The following ZNF749 variants were observed in gnomAD, a reference collection of about 807,000 sequenced individuals.
ZNF749 encodes the protein zinc finger protein 749.
A neutral mutation model predicts 7.3 loss-of-function variants in ZNF749; 8 were observed. The observed-to-expected ratio is 1.10, with a 90% CI of 0.64 to 1.98. The LOEUF (loss-of-function observed/expected upper bound fraction) is 1.98, where lower values mean the gene tolerates loss of function less well. ZNF749 is among the 30% of genes most tolerant of loss of function. The probability of loss-of-function intolerance (pLI) is 0.00; values close to 1 mark genes in which losing one functional copy is unlikely to be tolerated. For synonymous variants in ZNF749, 310 were observed against 322.4 expected (o/e 0.96, Z 0.41); for missense variants, 898 against 932.4 (o/e 0.96, Z 0.48).
At chr19:57,432,584 A>AGGG (rs1555784015), upstream of ZNF749, among the ~76,000 whole-genome samples, 4 of 116,580 alleles carry the variant, frequency 3.4e-5, no homozygotes, top group Admixed American at 8.5e-5. Flanking sequence ...AAAAAAAAAA[A>AGGG]GGTGGGGGGG....
rs139410369 is a variant in ZNF749 at position 57,444,104 on chromosome 19, C to T, written c.956C>T (p.Thr319Ile). Residue 319 changes from threonine (T) to isoleucine (I), a missense_variant, in exon 3 of 3, where the codon ACC becomes ATC. By Grantham distance (89) the Thr-to-Ile change is moderately conservative. Transcript: ENST00000334181. The part of the protein sequence containing the change: ...TQAHLVGHQK[T>I]HTGEQPYECN... The stretch of plus-strand genomic sequence containing the variant: ...GCTCATCTGGTTGGTCACCAGAAAA[C>T]CCATACTGGAGAACAGCCCTATGAA... The T allele has an allele frequency of 3.1e-6, 5 of 1,613,044 alleles. No individual in the cohort carries two copies. The African/African-American group carries it at 6.7e-5, about 22-fold the overall frequency.
rs1447388220 is a variant in ZNF749, at chr19:57,443,513, A to G, written c.365A>G (p.Gln122Arg). ...YTCAAEHDLH[Q>R]KEQIREKLTR... The stretch of plus-strand genomic sequence containing the variant: ...TGTGCAGCAGAGCATGACCTGCACC[A>G]AAAGGAGCAGATTAGAGAGAAGCTC... Residue 122 changes from glutamine to arginine, a missense_variant, in exon 3 of 3, where the codon CAA becomes CGA. Gln to Arg is a conservative substitution (Grantham distance 43, BLOSUM62 1). Coordinates refer to ENST00000334181, the MANE Select transcript of ZNF749 (RefSeq NM_001023561.4). 1 of 1,614,192 alleles carries G rather than the reference A, an allele frequency of 6.2e-7. No homozygotes were observed. The highest frequency in any genetic ancestry group is 2.2e-5 in the East Asian group (1 of 44,890).
upstream of ZNF749, among the ~76,000 whole-genome samples, chr19:57,430,911 G>A (rs561853861): frequency 2.0e-5 from 3 of 152,100 alleles, no homozygotes; most frequent in Non-Finnish European, 2.9e-5. Flanking sequence ...GTGATGGTGC[G>A]TGCCTGTAGT....
Position 57,445,403 on chromosome 19 carries a change from AG to A in ZNF749, c.2256del (p.Glu752AspfsTer20). On this transcript the variant is annotated frameshift_variant, in exon 3 of 3. Transcript: ENST00000334181. LOFTEE classifies it low-confidence loss of function (END_TRUNC). ...QKTHTGERSY[E>X]CGESSKVFKY... Reference sequence around the variant, plus strand: ...ACTCACACTGGAGAAAGGTCTTATGAGTGTGGTGAATCCAGCAAAGTGTTTA... The same window carrying A: ...ACTCACACTGGAGAAAGGTCTTATGATGTGGTGAATCCAGCAAAGTGTTTA... The A allele has an allele frequency of 1.2e-6, 2 of 1,613,996 alleles. No homozygotes were observed. The highest frequency in any genetic ancestry group is 1.3e-5 in the African/African-American group (1 of 75,046).
In ZNF749 at chr19:57,443,340, T is replaced by G; in HGVS notation, c.192T>G (p.Val64=). The G allele has an allele frequency of 6.2e-7, 1 of 1,613,846 alleles. No homozygotes were observed. The highest frequency in any genetic ancestry group is 1.1e-5 in the South Asian group (1 of 91,070). Residue 64 remains valine (V), a synonymous_variant, in exon 3 of 3, where the codon GTT becomes GTG. Transcript: ENST00000334181. ...AGGAGGTACCTTCCAAGCAGTGTGT[T>G]TCTGTAAGAGTGTTACAGGTCACAA... ...KDEEVPSKQC[V]SVRVLQVTIP... is the part of the protein sequence containing the mutation.
At chr19:57,440,111 G>T (rs967399549) in intron 1 of ZNF749, among the ~76,000 whole-genome samples, 6 of 152,050 alleles carry the variant, frequency 3.9e-5, no homozygotes, top group Admixed American at 1.3e-4. Context: ...TATAAGGAAG[G>T]GCTTTTGAGG....
At chr19:57,432,489 G>T (rs986847123), upstream of ZNF749, among the ~76,000 whole-genome samples, 9 of 150,404 alleles carry the variant, frequency 6.0e-5, no homozygotes, top group African/African-American at 2.0e-4. Flanking sequence ...TTGAACCTGG[G>T]AGGTGGAGGT....
rs1424746078 is a variant in ZNF749 at position 57,436,398 on chromosome 19, T to C, written c.15+805T>C. ...AAGAATCCTACATCGTTTTTTCATA[T>C]GGGCTGAGGTAGGGGAGGGCTCAGA... On this transcript the variant is annotated intron_variant, in intron 1 of 2. Coordinates refer to ENST00000334181, the MANE Select transcript of ZNF749 (RefSeq NM_001023561.4). This position sits in a 1 kb window ranked among gnomAD's most constrained non-coding sequence, Gnocchi z 4.0. Among the ~76,000 whole-genome samples, 1 of 152,090 alleles carries C rather than the reference T, an allele frequency of 6.6e-6. No individual in the cohort carries two copies. The highest frequency in any genetic ancestry group is 1.9e-4 in the East Asian group (1 of 5,180).
the ZNF749 span, among the ~76,000 whole-genome samples, chr19:57,429,057 G>A: frequency 6.6e-6 from 1 of 151,750 alleles, no homozygotes; most frequent in Non-Finnish European, 1.5e-5. This position sits in a 1 kb window ranked among gnomAD's most constrained non-coding sequence, Gnocchi z 4.2. Flanking sequence ...GTAGAGTTTC[G>A]CTCTTGTTGC....
In ZNF749 at chr19:57,441,895, T is replaced by C; in HGVS notation, c.26T>C (p.Val9Ala). Residue 9 changes from valine to alanine, a missense_variant, in exon 2 of 3, where the codon GTC becomes GCC. Val to Ala is a moderately conservative substitution (Grantham distance 64). Transcript: ENST00000334181. ...TCATAATTTTGGCAGGATTGTATGG[T>C]CTTTGAGGATGTGGCCATATATTTC... MNLTEDCM[V>A]FEDVAIYFSQ... 1 of 1,614,146 alleles carries C rather than the reference T, an allele frequency of 6.2e-7. No individual in the cohort carries two copies. The highest frequency in any genetic ancestry group is 8.5e-7 in the Non-Finnish European group (1 of 1,180,014).
chr19:57,438,778 C>T (rs1300939745), intron 1 of ZNF749, among the ~76,000 whole-genome samples: 1 of 152,158 alleles, frequency 6.6e-6, no homozygotes, highest in Non-Finnish European at 1.5e-5. Flanking sequence ...GACTGTGGTT[C>T]CACGACAACC....
chr19:57,431,376 C>T (rs563429414), upstream of ZNF749, among the ~76,000 whole-genome samples: 2 of 152,212 alleles, frequency 1.3e-5, no homozygotes, highest in South Asian at 2.1e-4. Context: ...AAAAATTATC[C>T]GGGTGAAGTT....
At chr19:57,430,570 C>A (rs770222016), upstream of ZNF749, among the ~76,000 whole-genome samples, 3 of 152,184 alleles carry the variant, frequency 2.0e-5, no homozygotes, top group Non-Finnish European at 4.4e-5. Flanking sequence ...TTAGAGAAAT[C>A]TTTAGTTGCA....
At position 57,445,295 on chromosome 19, in the gene ZNF749, A is replaced by T. The variant is rs749847944; in HGVS notation, c.2147A>T (p.Gln716Leu). The T allele has an allele frequency of 6.2e-7, 1 of 1,613,946 alleles. No individual in the cohort carries two copies. Among genetic ancestry groups the T allele is most frequent in the Non-Finnish European group, 8.5e-7 (1 of 1,179,882 alleles). Residue 716 changes from glutamine to leucine, a missense_variant, in exon 3 of 3, where the codon CAG becomes CTG. Gln to Leu is a moderately radical substitution (Grantham distance 113). Transcript: ENST00000334181. ...AAATCGAGCCTTATTATACATCAGCAGTCTCACACTGGAGAAAGTCCTTTT... is the reference window on the plus strand; with the variant it reads ...AAATCGAGCCTTATTATACATCAGCTGTCTCACACTGGAGAAAGTCCTTTT... ...RTKSSLIIHQ[Q>L]SHTGESPFKL...
rs1248674562 is a variant in ZNF749, at chr19:57,442,522, C to CCCTTTCCCTG, written c.142+520_142+529dup. On this transcript the variant is annotated intron_variant, in intron 2 of 2. Transcript: ENST00000334181. This position sits in a 1 kb window ranked among gnomAD's most constrained non-coding sequence, Gnocchi z 6.6. ...TTGCTCTGTGTACATGCTGTCCCCTCCCTTTCCCTGCCTTTCCCGTAGCTG... is the reference window on the plus strand; with the variant it reads ...TTGCTCTGTGTACATGCTGTCCCCTCCCTTTCCCTGCCTTTCCCTGCCTTTCCCGTAGCTG... Among the ~76,000 whole-genome samples the CCCTTTCCCTG allele has an allele frequency of 1.3e-5, 2 of 152,158 alleles. No individual in the cohort carries two copies. Among genetic ancestry groups the CCCTTTCCCTG allele is most frequent in the Non-Finnish European group, 2.9e-5 (2 of 68,036 alleles).
Position 57,444,038 on chromosome 19 carries a change from C to T in ZNF749, c.890C>T (p.Pro297Leu), listed in dbSNP as rs376445073. The T allele has an allele frequency of 6.2e-6, 10 of 1,613,814 alleles. No individual in the cohort carries two copies. Among genetic ancestry groups the T allele is most frequent in the Non-Finnish European group, 8.5e-6 (10 of 1,179,892 alleles). Residue 297 changes from proline to leucine, a missense_variant, in exon 3 of 3, where the codon CCT (proline) becomes CTT (leucine). Coordinates refer to ENST00000334181, the MANE Select transcript of ZNF749 (RefSeq NM_001023561.4). ...EHQEILSRPT[P>L]YECTQCGKAF... Reference sequence around the variant, plus strand: ...CAGGAGATTCTCAGTAGACCAACACCTTATGAATGCACCCAGTGTGGGAAG... The same window carrying T: ...CAGGAGATTCTCAGTAGACCAACACTTTATGAATGCACCCAGTGTGGGAAG...
At chr19:57,432,587 T>C (rs73065209), upstream of ZNF749, among the ~76,000 whole-genome samples, 17 of 105,746 alleles carry the variant, frequency 1.6e-4, no homozygotes, top group South Asian at 6.6e-4. Flanking sequence ...AAAAAAAAGG[T>C]GGGGGGGACT....
In ZNF749 at chr19:57,442,048, G is replaced by T; in HGVS notation, c.142+37G>T. 1.3e-6 allele frequency: 2 copies of T among 1,599,684 alleles called. No homozygotes were observed. The highest frequency in any genetic ancestry group is 2.2e-5 in the South Asian group (2 of 89,388). ...ATACCTACTCTGGTGTCTTGTGCTG[G>T]GTGCTGTTTTTTTGCTCTTTTCCAT... On this transcript the variant is annotated intron_variant, in intron 2 of 2. Transcript: ENST00000334181. This position sits in a 1 kb window ranked among gnomAD's most constrained non-coding sequence, Gnocchi z 6.6.
intron 1 of ZNF749, chr19:57,438,097 T>TA (rs2088952763): frequency 2.5e-6 from 1 of 398,718 alleles, no homozygotes; most frequent in Admixed American, 4.4e-5. Flanking sequence ...TTCTTCCTGT[T>TA]ACAGGCCGAA....
Sources: gnomAD v4.1 joint callset for allele counts (sites outside exome capture counted in the v4.1 genomes callset) on GRCh38, gnomAD v4.1.1 for gene constraint, Gnocchi (gnomAD v3.1) non-coding constraint, MANE v1.5 for transcripts, NCBI Gene and HGNC (gene_info 2026-07-23, HGNC 2026-07-21) for gene names.